DCDC2: variants seen among roughly 807,000 people sequenced by gnomAD.
DCDC2 encodes doublecortin domain containing 2.
DCDC2 carries 40 observed loss-of-function variants against 50.2 expected under a neutral mutation model. The observed-to-expected ratio is 0.80, with a 90% CI of 0.62 to 1.04. The LOEUF is 1.04. Among genes scored for constraint, DCDC2 ranks in the 50% least tolerant of loss-of-function variants. The probability of loss-of-function intolerance (pLI) is 0.00; values close to 1 mark genes in which losing one functional copy is unlikely to be tolerated. For missense variants in DCDC2, 570 were observed against 581.9 expected (o/e 0.98, Z 0.21); for synonymous variants, 234 against 210.6 (o/e 1.11, Z -0.96).
chr6:24,279,048 C>A (rs1443575110), intron 6 of DCDC2, among the ~76,000 whole-genome samples: 1 of 152,126 alleles, frequency 6.6e-6, no homozygotes, highest in African/African-American at 2.4e-5. Flanking sequence ...AATGAAGACC[C>A]TGTGGCTGCC....
In DCDC2 at chr6:24,189,972, C is replaced by T. The variant is rs141552072; in HGVS notation, c.1024-11340G>A. Among the ~76,000 whole-genome samples, 80 of 151,944 alleles carry T rather than the reference C, an allele frequency of 5.3e-4. No homozygotes were observed. In the East Asian group the frequency reaches 0.013, roughly 24 times the overall value. On this transcript the variant is annotated intron_variant, in intron 8 of 9. Transcript: ENST00000378454. ...TTCCCATGGAAACTAAAATCATCTC[C>T]TATCCAAGTTGAATGAGGTGTTTTG...
chr6:24,332,081 G>A (rs2127240339), intron 2 of DCDC2, among the ~76,000 whole-genome samples: 1 of 152,282 alleles, frequency 6.6e-6, no homozygotes, highest in East Asian at 1.9e-4. Context: ...GCATGCGGTA[G>A]CTACATATCT....
In DCDC2 at chr6:24,220,846, G is replaced by A. The variant is rs570337986; in HGVS notation, c.923-15744C>T. ...AGGGGAAGCAAGTCACATCTTACAT[G>A]GCGGCAGGAGAGAGACAGAGAGCAA... On this transcript the variant is annotated intron_variant, in intron 7 of 9. Coordinates refer to ENST00000378454, the MANE Select transcript of DCDC2 (RefSeq NM_016356.5). 1.6e-4 allele frequency among the ~76,000 whole-genome samples: 23 copies of A among 147,302 alleles called. No homozygotes were observed. The East Asian group carries it at 4.1e-3, about 26-fold the overall frequency.
At chr6:24,344,292 A>C (rs1760214278) in intron 2 of DCDC2, among the ~76,000 whole-genome samples, 2 of 152,234 alleles carry the variant, frequency 1.3e-5, no homozygotes, top group Non-Finnish European at 2.9e-5. Flanking sequence ...GAAATAAGTC[A>C]GGCAGAGAAA....
At chr6:24,301,407 C>A (rs1759372094) in intron 4 of DCDC2, among the ~76,000 whole-genome samples, 1 of 147,244 alleles carries the variant, frequency 6.8e-6, no homozygotes, top group Non-Finnish European at 1.5e-5. Flanking sequence ...AAGGGGCTGG[C>A]TCTTTCAAAA....
At chr6:24,358,911 ATT>A (rs1181371362), upstream of DCDC2, among the ~76,000 whole-genome samples, 1 of 36,464 alleles carries the variant, frequency 2.7e-5, no homozygotes, top group Non-Finnish European at 3.9e-5. Flanking sequence ...TATATTATAT[ATT>A]ATATATATTA....
chr6:24,297,470 TA>T (rs1213441054), intron 4 of DCDC2, among the ~76,000 whole-genome samples: 4 of 151,182 alleles, frequency 2.6e-5, no homozygotes, highest in Admixed American at 6.6e-5. Context: ...AATACAAGTT[TA>T]AAAAAAAAGA....
intron 2 of DCDC2, among the ~76,000 whole-genome samples, chr6:24,317,434 C>A (rs1759692257): frequency 6.6e-6 from 1 of 151,906 alleles, no homozygotes; most frequent in Non-Finnish European, 1.5e-5. Context: ...GTGGGGTAGC[C>A]TAGGCATCTC....
At position 24,178,630 on chromosome 6, in the gene DCDC2, C is replaced by T. The variant is rs150760955; in HGVS notation, c.1026G>A (p.Arg342=). 3.1e-5 allele frequency: 50 copies of T among 1,610,846 alleles called. No individual in the cohort carries two copies. Among genetic ancestry groups the T allele is most frequent in the Non-Finnish European group, 4.0e-5 (47 of 1,179,132 alleles). The change falls in exon 9 of 10, where the codon AGG becomes AGA. Residue 342 remains arginine (R), a splice_region_variant and synonymous_variant. Coordinates refer to ENST00000378454, the MANE Select transcript of DCDC2 (RefSeq NM_016356.5). ...CTTCCTCGTCTACTATTTCTGCTGG[C>T]CTCTGATGGATCAAAAGGAATAATG... ...DTQVEVPVDQ[R]PAEIVDEEED... is the part of the protein sequence containing the mutation.
chr6:24,359,284 A>T (rs866549882), upstream of DCDC2, among the ~76,000 whole-genome samples: 93 of 54,786 alleles, frequency 1.7e-3, 4 homozygotes, highest in Middle Eastern at 0.02. Context: ...TATATATATT[A>T]TATATTTTAT....
At chr6:24,227,653 C>T (rs1561898314) in intron 7 of DCDC2, among the ~76,000 whole-genome samples, 1 of 152,184 alleles carries the variant, frequency 6.6e-6, no homozygotes, top group Non-Finnish European at 1.5e-5. Context: ...TTATTCCTGG[C>T]AACTCTTTCC....
chr6:24,380,422 T>A, the DCDC2 span, among the ~76,000 whole-genome samples: 8 of 152,162 alleles, frequency 5.3e-5, no homozygotes, highest in Non-Finnish European at 1.2e-4. Context: ...GGTCTTAAAG[T>A]GGACTGAAGA....
intron 7 of DCDC2, among the ~76,000 whole-genome samples, chr6:24,223,901 C>A (rs1243408531): frequency 6.6e-6 from 1 of 152,208 alleles, no homozygotes; most frequent in African/African-American, 2.4e-5. Flanking sequence ...TGTTCTTAAA[C>A]TTCAGTGTGC....
intron 8 of DCDC2, among the ~76,000 whole-genome samples, chr6:24,194,721 A>G (rs2113753596): frequency 6.6e-6 from 1 of 152,360 alleles, no homozygotes; most frequent in Non-Finnish European, 1.5e-5. Context: ...CAGAGCAATC[A>G]CAGGCATCTG....
intron 6 of DCDC2, among the ~76,000 whole-genome samples, chr6:24,287,959 GTTC>G (rs1561759514): frequency 6.6e-6 from 1 of 152,130 alleles, no homozygotes; most frequent in Non-Finnish European, 1.5e-5. Flanking sequence ...CAGCTAATGA[GTTC>G]TTAATATCTG....
At chr6:24,261,234 C>G (rs886873843) in intron 7 of DCDC2, among the ~76,000 whole-genome samples, 2 of 142,890 alleles carry the variant, frequency 1.4e-5, no homozygotes, top group African/African-American at 5.2e-5. Context: ...TTCAACTACT[C>G]TGCAGAATGT....
chr6:24,229,443 T>C (rs1267913034), intron 7 of DCDC2, among the ~76,000 whole-genome samples: 1 of 152,186 alleles, frequency 6.6e-6, no homozygotes, highest in Non-Finnish European at 1.5e-5. Context: ...CATCTCCCTA[T>C]TCCAAGGTCA....
rs533926092 is a variant in DCDC2 at position 24,228,416 on chromosome 6, C to T, written c.923-23314G>A. Among the ~76,000 whole-genome samples the T allele has an allele frequency of 3.0e-4, 46 of 152,170 alleles. 1 individual carries two copies. The highest frequency in any genetic ancestry group is 9.9e-4 in the African/African-American group (41 of 41,504). ...CTAACGGTTGTCAAATGGCCTGGGT[C>T]GAAGTGAATTATTTTGAGTTTTTTC... is the stretch of plus-strand genomic sequence containing the variant. On this transcript the variant is annotated intron_variant, in intron 7 of 9. Transcript: ENST00000378454.
At chr6:24,193,519 AGATG>A in intron 8 of DCDC2, among the ~76,000 whole-genome samples, 1 of 152,182 alleles carries the variant, frequency 6.6e-6, no homozygotes, top group Non-Finnish European at 1.5e-5. Flanking sequence ...CAGAGTTTGG[AGATG>A]GCTTAGTAAC....
Sources: gnomAD v4.1 joint callset for allele counts (sites outside exome capture counted in the v4.1 genomes callset) on GRCh38, gnomAD v4.1.1 for gene constraint, MANE v1.5 for transcripts, NCBI Gene and HGNC (gene_info 2026-07-23, HGNC 2026-07-21) for gene names.